The following ITSN2 variants were observed in gnomAD, a reference collection of about 807,000 sequenced individuals.
ITSN2 encodes the protein intersectin 2.
In ITSN2, 156 loss-of-function variants were observed where a neutral mutation model predicts 243.7. The ratio of observed to expected loss-of-function variants is 0.64; its 90% confidence interval spans 0.56 to 0.73. The LOEUF (loss-of-function observed/expected upper bound fraction) is 0.73, where lower values mean the gene tolerates loss of function less well. Among genes scored for constraint, ITSN2 ranks in the 30% least tolerant of loss-of-function variants. The pLI is 0.00. For synonymous variants in ITSN2, 703 were observed against 699.9 expected (o/e 1.00, Z -0.07); for missense variants, 1,801 against 1,996.1 (o/e 0.90, Z 1.86).
intron 1 of ITSN2, among the ~76,000 whole-genome samples, chr2:24,328,391 T>G (rs1008655842): frequency 6.6e-6 from 1 of 151,962 alleles, no homozygotes; most frequent in African/African-American, 2.4e-5. Flanking sequence ...AACATTCTTG[T>G]AGAAATTAAT....
At chr2:24,309,015 T>C in intron 7 of ITSN2, 1 of 405,906 alleles carries the variant, frequency 2.5e-6, no homozygotes, top group Non-Finnish European at 5.1e-6. Flanking sequence ...GAATGGCACA[T>C]GTGAGGGACC....
Position 24,312,228 on chromosome 2 carries a change from T to G in ITSN2, c.336A>C (p.Leu112Phe), listed in dbSNP as rs779493029. The G allele has an allele frequency of 4.4e-6, 7 of 1,608,188 alleles. No homozygotes were observed. In the East Asian group the frequency reaches 1.3e-4, roughly 31 times the overall value. The change falls in exon 5 of 40, where the codon TTA becomes TTC. Residue 112 changes from leucine to phenylalanine, a missense_variant. Leu to Phe is a conservative substitution (Grantham distance 22). This residue lies in a region of ITSN2 where 787 missense variants were observed against 803.9 expected (regional missense o/e 0.98). Transcript: ENST00000355123. ...IMKQPPMFSPLISARFGMGSM... is the reference protein window; with the variant it reads ...IMKQPPMFSPFISARFGMGSM... ...CATACTTACCAAAACGAGCAGAAATTAATGGAGAAAACATAGGGGGTTGCT... is the reference window on the plus strand; with the variant it reads ...CATACTTACCAAAACGAGCAGAAATGAATGGAGAAAACATAGGGGGTTGCT...
intron 23 of ITSN2, among the ~76,000 whole-genome samples, chr2:24,256,116 T>A (rs1281767181): frequency 2.0e-5 from 3 of 151,646 alleles, no homozygotes; most frequent in Non-Finnish European, 4.4e-5. Flanking sequence ...CCCAGCTACT[T>A]GGGAGGCTGA....
intron 30 of ITSN2, among the ~76,000 whole-genome samples, chr2:24,218,580 TTG>T (rs1032256179): frequency 6.6e-6 from 1 of 152,118 alleles, no homozygotes; most frequent in African/African-American, 2.4e-5. Flanking sequence ...ATGCAGATGC[TTG>T]TGTGTGTGTA....
intron 7 of ITSN2, among the ~76,000 whole-genome samples, chr2:24,309,839 G>A (rs2151731369): frequency 6.6e-6 from 1 of 152,266 alleles, no homozygotes; most frequent in Middle Eastern, 3.4e-3. Context: ...CTACCCTGAA[G>A]AGTATAATAG....
intron 37 of ITSN2, chr2:24,205,682 G>A (rs529475326): frequency 4.2e-6 from 1 of 235,478 alleles, no homozygotes; most frequent in South Asian, 6.9e-5. Flanking sequence ...CCAGGGTAGA[G>A]CATGGACTGT....
At position 24,337,327 on chromosome 2, in the gene ITSN2, T is replaced by TACACATATATATATATATACAC. The variant is rs1160206721; in HGVS notation, c.-33-9213_-33-9212insGTGTATATATATATATATGTGT. 2.2e-4 allele frequency among the ~76,000 whole-genome samples: 21 copies of TACACATATATATATATATACAC among 97,378 alleles called. 1 individual carries two copies. Among genetic ancestry groups the TACACATATATATATATATACAC allele is most frequent in the African/African-American group, 8.8e-4 (21 of 23,938 alleles). The allele number at this position is 97,378 out of a possible 152,430, so 63.9% of individuals were successfully genotyped here. A position where few individuals can be genotyped will look rare whatever the true frequency, so the allele number is the denominator to read the frequency against. On this transcript the variant is annotated intron_variant, in intron 1 of 39. Transcript: ENST00000355123. Reference sequence around the variant, plus strand: ...TGTGTATACACAAAATATATATATATATATATATATATATATATATATATA... The same window carrying TACACATATATATATATATACAC: ...TGTGTATACACAAAATATATATATATACACATATATATATATATACACATATATATATATATATATATATATA...
intron 17 of ITSN2, among the ~76,000 whole-genome samples, chr2:24,280,071 A>G (rs1678571809): frequency 6.6e-6 from 1 of 152,186 alleles, no homozygotes; most frequent in Non-Finnish European, 1.5e-5. Flanking sequence ...GGCCTGTCAA[A>G]TGTCTCACTT....
chr2:24,254,853 T>C (rs924228486), intron 23 of ITSN2, among the ~76,000 whole-genome samples: 18 of 152,190 alleles, frequency 1.2e-4, no homozygotes, highest in Admixed American at 4.6e-4. Flanking sequence ...AAAACTTTGT[T>C]TTTATTATCT....
At chr2:24,275,107 A>G (rs1322392624) in intron 18 of ITSN2, among the ~76,000 whole-genome samples, 2 of 152,368 alleles carry the variant, frequency 1.3e-5, no homozygotes, top group East Asian at 3.9e-4. Flanking sequence ...TATACAATTA[A>G]GTATTCTGCT....
intron 32 of ITSN2, 42 bp from the exon 33 acceptor site, chr2:24,212,790 G>C (rs763280727): frequency 1.4e-6 from 2 of 1,453,176 alleles, no homozygotes; most frequent in Non-Finnish European, 1.9e-6. Context: ...TCACAGCTCC[G>C]ATCACAGGAA....
rs2303297 is a variant in ITSN2 at position 24,210,068 on chromosome 2, C to T, written c.4258-35G>A. The T allele has an allele frequency of 0.24, 364,775 of 1,529,828 alleles. 46,788 individuals are homozygous for T. Among genetic ancestry groups the T allele is most frequent in the Non-Finnish European group, 0.27 (297,764 of 1,106,426 alleles). 94.8% of individuals were successfully genotyped at this position (1,529,828 alleles called of 1,614,324 possible). A position where few individuals can be genotyped will look rare whatever the true frequency, so the allele number is the denominator to read the frequency against. ...AAAGAAAATTTCACTTTTTAAATCCCGGCACAAACCATCCAGTGCCCCTGA... is the reference window on the plus strand; with the variant it reads ...AAAGAAAATTTCACTTTTTAAATCCTGGCACAAACCATCCAGTGCCCCTGA... On this transcript the variant is annotated intron_variant, in intron 34 of 39. Transcript: ENST00000355123.
intron 30 of ITSN2, 38 bp downstream of exon 30, chr2:24,220,907 C>G (rs775224564): frequency 2.6e-6 from 4 of 1,564,332 alleles, no homozygotes; most frequent in African/African-American, 2.8e-5. Context: ...TGAGAGACAG[C>G]AGATACCCCG....
chr2:24,354,136 A>G (rs1417784412), intron 1 of ITSN2, among the ~76,000 whole-genome samples: 1 of 152,270 alleles, frequency 6.6e-6, no homozygotes, highest in East Asian at 1.9e-4. Context: ...GTTACATGTT[A>G]TCATGGTTAC....
chr2:24,237,135 G>C (rs1672254020), intron 29 of ITSN2, among the ~76,000 whole-genome samples: 1 of 152,094 alleles, frequency 6.6e-6, no homozygotes, highest in Non-Finnish European at 1.5e-5. Flanking sequence ...TTACTAGCAG[G>C]TTCCACTTGG....
intron 23 of ITSN2, among the ~76,000 whole-genome samples, chr2:24,257,284 A>C (rs1675174628): frequency 6.6e-6 from 1 of 152,084 alleles, no homozygotes; most frequent in South Asian, 2.1e-4. Flanking sequence ...CCACCACTGC[A>C]CTCTAGCCTA....
At chr2:24,271,641 T>C (rs1043346430) in intron 19 of ITSN2, 125 bp downstream of exon 19, 27 of 1,241,828 alleles carry the variant, frequency 2.2e-5, no homozygotes, top group Non-Finnish European at 2.9e-5. Context: ...GTTTAATTTA[T>C]AAAAAGGTTT....
chr2:24,217,449 G>A (rs1670072637), intron 31 of ITSN2, among the ~76,000 whole-genome samples: 1 of 152,190 alleles, frequency 6.6e-6, no homozygotes, highest in Admixed American at 6.5e-5. Context: ...TATCCCTGAG[G>A]GAAGCTGGGA....
At position 24,298,659 on chromosome 2, in the gene ITSN2, C is replaced by T. The variant is rs551053230; in HGVS notation, c.1494+6G>A. 3.5e-4 allele frequency: 558 copies of T among 1,593,634 alleles called. 6 individuals are homozygous for T. The South Asian group carries it at 5.7e-3, about 16-fold the overall frequency. ...CAGATAAATTTCACTTAAACTTCAG[C>T]CATACCAGTGCTTCCAACTCAAGAT... On this transcript the variant is annotated splice_donor_region_variant and intron_variant, in intron 13 of 39. Coordinates refer to ENST00000355123, the MANE Select transcript of ITSN2 (RefSeq NM_006277.3).
Sources: gnomAD v4.1 joint callset for allele counts (sites outside exome capture counted in the v4.1 genomes callset) on GRCh38, gnomAD v4.1.1 for gene constraint, gnomAD v4.1.1 regional missense constraint, MANE v1.5 for transcripts, NCBI Gene and HGNC (gene_info 2026-07-23, HGNC 2026-07-21) for gene names.